Variants in CASP6 observed in about 807,000 individuals in gnomAD.
CASP6 encodes the protein caspase 6.
CASP6 carries 20 observed loss-of-function variants against 31.8 expected under a neutral mutation model. That is an observed-to-expected ratio of 0.63 (90% CI 0.44 to 0.91). The LOEUF is 0.91. Ranked by LOEUF, CASP6 falls within the 40% of genes least tolerant of loss-of-function variation. The pLI is 0.00. For missense variants in CASP6, 328 were observed against 361.1 expected, an observed-to-expected ratio of 0.91 and a Z score of 0.74; for synonymous variants, 130 against 127.8, an observed-to-expected ratio of 1.02 and a Z score of -0.12.
At chr4:109,667,326 T>TAG in the CASP6 span, among the ~76,000 whole-genome samples, 1 of 152,090 alleles carries the variant, frequency 6.6e-6, no homozygotes. Flanking sequence ...TTGTACCTTT[T>TAG]AGAGAATTAA....
chr4:109,690,856 C>A lies in CASP6; in HGVS notation c.637G>T (p.Ala213Ser). ...GADFLMCYSV[A>S]EGYYSHRETV... ...TGTTTTAAACACCACACACCTTCTG[C>A]AACAGAGTAACACATGAGGAAGTCA... Residue 213 changes from alanine (A) to serine (S), a missense_variant, in exon 6 of 7, where the codon GCA (alanine) becomes TCA (serine). Transcript: ENST00000265164. The A allele has an allele frequency of 6.2e-7, 1 of 1,607,176 alleles. No homozygotes were observed. The highest frequency in any genetic ancestry group is 2.2e-5 in the East Asian group (1 of 44,538).
intron 1 of CASP6, among the ~76,000 whole-genome samples, chr4:109,703,147 C>T (rs1367725793): frequency 6.6e-6 from 1 of 152,152 alleles, no homozygotes; most frequent in Non-Finnish European, 1.5e-5. Context: ...GCCAGGTCCC[C>T]GAGTGTTTCT....
chr4:109,679,429 T>G, the CASP6 span, among the ~76,000 whole-genome samples: 8 of 152,142 alleles, frequency 5.3e-5, no homozygotes, highest in African/African-American at 1.7e-4. Flanking sequence ...GCAGATCACC[T>G]GAGGCCAGGA....
At chr4:109,703,456 G>GCCCGGCCCCGCCCTCGGC (rs1730498686), upstream of CASP6, 31 of 1,572,586 alleles carry the variant, frequency 2.0e-5, no homozygotes, top group Non-Finnish European at 2.6e-5. Flanking sequence ...AGGCTCCCGG[G>GCCCGGCCCCGCCCTCGGC]CCCGGCCCCG....
chr4:109,705,238 C>T (rs778863729), upstream of CASP6, among the ~76,000 whole-genome samples: 2 of 152,164 alleles, frequency 1.3e-5, no homozygotes, highest in African/African-American at 4.8e-5. Context: ...AATGGACCAA[C>T]AAAGGCTAGT....
chr4:109,695,277 C>T (rs1730202661), intron 4 of CASP6, among the ~76,000 whole-genome samples: 3 of 152,114 alleles, frequency 2.0e-5, no homozygotes. Context: ...ATTAGCCTTT[C>T]TAAAACACAG....
At chr4:109,687,507 C>T (rs751604020), downstream of CASP6, 13 of 1,599,564 alleles carry the variant, frequency 8.1e-6, no homozygotes, top group Admixed American at 2.0e-4. Context: ...TTCTTTTTCC[C>T]ATGACAGGCT....
At chr4:109,686,150 A>AT (rs926730522), downstream of CASP6, among the ~76,000 whole-genome samples, 2 of 152,150 alleles carry the variant, frequency 1.3e-5, no homozygotes, top group Non-Finnish European at 2.9e-5. Flanking sequence ...TTTAATTTAA[A>AT]TTTTTTTGAG....
the CASP6 span, among the ~76,000 whole-genome samples, chr4:109,664,775 A>G: frequency 6.6e-6 from 1 of 152,124 alleles, no homozygotes; most frequent in Non-Finnish European, 1.5e-5. Context: ...GGTATAAGTG[A>G]TCACCTACAG....
At chr4:109,673,854 C>T in the CASP6 span, 1 of 762,628 alleles carries the variant, frequency 1.3e-6, no homozygotes, top group Non-Finnish European at 2.4e-6. Flanking sequence ...TGTCAGCAGA[C>T]ACAGGTGTTT....
At chr4:109,691,911 C>G (rs1730069292) in intron 5 of CASP6, 1 of 152,220 alleles carries the variant, frequency 6.6e-6, no homozygotes, top group Non-Finnish European at 1.5e-5. Flanking sequence ...GAAACCAATC[C>G]TCCCCACACG....
chr4:109,677,167 G>A, the CASP6 span, among the ~76,000 whole-genome samples: 10 of 152,224 alleles, frequency 6.6e-5, no homozygotes, highest in African/African-American at 2.4e-4. Context: ...TTACTACCCT[G>A]TTGGGTTTTG....
Position 109,697,502 on chromosome 4 carries a change from A to G in CASP6, c.230+120T>C. 4 of 1,131,386 alleles carry G rather than the reference A, an allele frequency of 3.5e-6. No homozygotes were observed. The South Asian group carries it at 7.1e-5, about 20-fold the overall frequency. The allele number at this position is 1,131,386 out of a possible 1,614,324, so 70.1% of individuals were successfully genotyped here. ...GACTTGTCTCAAACTCCTTGCCTTA[A>G]GTGATCCTCCCACCTTGGCTTCCCA... On this transcript the variant is annotated intron_variant, in intron 3 of 6. Transcript: ENST00000265164.
At chr4:109,702,788 TGAA>T (rs1206865270) in intron 1 of CASP6, 1 of 152,604 alleles carries the variant, frequency 6.6e-6, no homozygotes, top group South Asian at 2.1e-4. Context: ...GTTTCCTGGA[TGAA>T]GAAGAGAGAT....
intron 4 of CASP6, among the ~76,000 whole-genome samples, chr4:109,695,938 T>C (rs1023213670): frequency 6.6e-6 from 1 of 152,132 alleles, no homozygotes; most frequent in African/African-American, 2.4e-5. Context: ...AATATAATGG[T>C]TGGCATGCAG....
At chr4:109,707,463 C>T (rs994976366), upstream of CASP6, among the ~76,000 whole-genome samples, 6 of 151,440 alleles carry the variant, frequency 4.0e-5, no homozygotes, top group Admixed American at 6.6e-5. Context: ...CTCAGCTCAC[C>T]GCAACCTCTG....
upstream of CASP6, among the ~76,000 whole-genome samples, chr4:109,707,437 A>G (rs1189447874): frequency 1.4e-5 from 2 of 143,118 alleles, no homozygotes; most frequent in African/African-American, 5.3e-5. Context: ...CCCAGGCTGG[A>G]GTGCAATGGC....
upstream of CASP6, among the ~76,000 whole-genome samples, chr4:109,708,439 T>C (rs951787385): frequency 6.6e-6 from 1 of 152,352 alleles, no homozygotes; most frequent in East Asian, 1.9e-4. Flanking sequence ...CATTTTTTGG[T>C]TTCCTCATTA....
At chr4:109,682,536 G>T in the CASP6 span, 1 of 1,519,210 alleles carries the variant, frequency 6.6e-7, no homozygotes. Context: ...CACACCCTGC[G>T]GGAACAATGT....
Sources: allele counts gnomAD v4.1 joint callset (sites outside exome capture counted in the v4.1 genomes callset), GRCh38; gene constraint gnomAD v4.1.1; transcripts MANE v1.5; gene names NCBI Gene and HGNC (gene_info 2026-07-23, HGNC 2026-07-21).